The following CHRM3 variants were observed in gnomAD, a reference collection of about 807,000 sequenced individuals.
The protein encoded by CHRM3 is cholinergic receptor muscarinic 3.
A neutral mutation model predicts 41.8 loss-of-function variants in CHRM3; 11 were observed. The ratio of observed to expected loss-of-function variants is 0.26; its 90% CI spans 0.17 to 0.44. The LOEUF (loss-of-function observed/expected upper bound fraction) is 0.44. CHRM3 is among the 20% of genes least tolerant of loss of function. The pLI, the probability that CHRM3 is intolerant of heterozygous loss-of-function variation, is 1.00. For synonymous variants in CHRM3, 297 were observed against 301.4 expected (o/e 0.99, Z 0.15); for missense variants, 571 against 745.4 (o/e 0.77, Z 2.72).
intron 6 of CHRM3, among the ~76,000 whole-genome samples, chr1:239,905,722 A>G (rs1327931352): frequency 1.3e-5 from 2 of 152,154 alleles, no homozygotes; most frequent in East Asian, 1.9e-4. Flanking sequence ...AATAAATAAG[A>G]TAATGCATAT....
At chr1:239,828,444 T>C (rs1672639648) in intron 6 of CHRM3, among the ~76,000 whole-genome samples, 1 of 152,040 alleles carries the variant, frequency 6.6e-6, no homozygotes, top group East Asian at 1.9e-4. Flanking sequence ...ATAACTGGCA[T>C]GAAGAAAAAT....
At chr1:239,781,284 T>TAGTTTCAG (rs1272820198) in intron 5 of CHRM3, among the ~76,000 whole-genome samples, 1 of 152,172 alleles carries the variant, frequency 6.6e-6, no homozygotes, top group Non-Finnish European at 1.5e-5. Flanking sequence ...ACAGCTTTTA[T>TAGTTTCAG]AGTTTCAGAG....
intron 5 of CHRM3, among the ~76,000 whole-genome samples, chr1:239,685,175 C>A (rs1174593090): frequency 6.6e-6 from 1 of 152,146 alleles, no homozygotes; most frequent in African/African-American, 2.4e-5. Flanking sequence ...TGTTTCTGTT[C>A]TCCCAGCCAC....
intron 6 of CHRM3, among the ~76,000 whole-genome samples, chr1:239,876,297 G>A (rs1047964029): frequency 3.1e-4 from 47 of 152,078 alleles, no homozygotes; most frequent in African/African-American, 1.1e-3. Flanking sequence ...TTAAATTATT[G>A]GTATGCATTT....
intron 6 of CHRM3, among the ~76,000 whole-genome samples, chr1:239,874,306 T>TATACACAGTATATAG (rs1676911081): frequency 2.4e-5 from 3 of 124,498 alleles, no homozygotes; most frequent in Non-Finnish European, 4.9e-5. Context: ...TATATATATA[T>TATACACAGTATATAG]ATATATATAT....
chr1:239,529,527 A>G (rs1158380601), intron 2 of CHRM3, among the ~76,000 whole-genome samples: 1 of 149,660 alleles, frequency 6.7e-6, no homozygotes, highest in African/African-American at 2.5e-5. Flanking sequence ...CAAGAGAATC[A>G]CTTGAACCCA....
chr1:239,901,186 G>A (rs1208297454), intron 6 of CHRM3, among the ~76,000 whole-genome samples: 2 of 152,126 alleles, frequency 1.3e-5, no homozygotes, highest in Non-Finnish European at 2.9e-5. Flanking sequence ...TATCAGATGC[G>A]ACCTCTTTTT....
At chr1:239,739,133 G>A (rs1028248622) in intron 5 of CHRM3, among the ~76,000 whole-genome samples, 2 of 152,148 alleles carry the variant, frequency 1.3e-5, no homozygotes, top group African/African-American at 4.8e-5. Context: ...GTAGCAAATA[G>A]GTGCCCAGTT....
chr1:239,535,103 A>G lies in CHRM3; in HGVS notation c.-421-10538A>G, dbSNP rs114464400. On this transcript the variant is annotated intron_variant, in intron 2 of 6. Transcript: ENST00000676153. ...TGCTCCTACAGCTTTCTTCCACCAA[A>G]TAAGTGTACTTTGATCAGAACCTCA... Among the ~76,000 whole-genome samples, 312 of 152,276 alleles carry G rather than the reference A, an allele frequency of 2.0e-3. 1 individual carries two copies. The highest frequency in any genetic ancestry group is 3.8e-3 in the Non-Finnish European group (257 of 68,028).
chr1:239,795,820 TA>T (rs1331105978), intron 5 of CHRM3, among the ~76,000 whole-genome samples: 1 of 152,226 alleles, frequency 6.6e-6, no homozygotes, highest in East Asian at 1.9e-4. Flanking sequence ...TGTTTTGAAA[TA>T]AAATTGAAAT....
At chr1:239,551,068 T>TAC (rs1659761744) in intron 3 of CHRM3, among the ~76,000 whole-genome samples, 1 of 150,990 alleles carries the variant, frequency 6.6e-6, no homozygotes, top group Non-Finnish European at 1.5e-5. Flanking sequence ...TTTATATATA[T>TAC]ACTTCATATG....
intron 5 of CHRM3, among the ~76,000 whole-genome samples, chr1:239,701,388 C>T (rs902976344): frequency 3.9e-5 from 6 of 152,164 alleles, no homozygotes; most frequent in African/African-American, 7.2e-5. Flanking sequence ...AAAACCTTTC[C>T]GTTTCCCACT....
chr1:239,756,597 T>C (rs1034789802), intron 5 of CHRM3, among the ~76,000 whole-genome samples: 1 of 152,152 alleles, frequency 6.6e-6, no homozygotes, highest in African/African-American at 2.4e-5. Context: ...AATATAGTCA[T>C]TGCTGAAATA....
chr1:239,528,455 G>A (rs1276547242), intron 2 of CHRM3, among the ~76,000 whole-genome samples: 1 of 152,176 alleles, frequency 6.6e-6, no homozygotes, highest in Non-Finnish European at 1.5e-5. Flanking sequence ...CAATAAATAA[G>A]GTGCTCTTCT....
intron 1 of CHRM3, among the ~76,000 whole-genome samples, chr1:239,446,729 A>G (rs1664179993): frequency 6.6e-6 from 1 of 152,222 alleles, no homozygotes; most frequent in African/African-American, 2.4e-5. Context: ...TACTGAAATA[A>G]TATTAAGTAT....
At chr1:239,580,704 T>TATATATATATATATATATACATACATAC (rs570878631) in intron 3 of CHRM3, among the ~76,000 whole-genome samples, 5 of 131,072 alleles carry the variant, frequency 3.8e-5, no homozygotes, top group Admixed American at 8.2e-5. Context: ...TATATATATA[T>TATATATATATATATATATACATACATAC]ACACACACAC....
At chr1:239,562,583 T>G (rs117005899) in intron 3 of CHRM3, among the ~76,000 whole-genome samples, 6,393 of 151,986 alleles carry the variant, frequency 0.042, 182 homozygotes, top group East Asian at 0.13. Flanking sequence ...TGATGATTAT[T>G]ATTATTATTA....
At chr1:239,720,318 A>G (rs1662836703) in intron 5 of CHRM3, 1 of 151,962 alleles carries the variant, frequency 6.6e-6, no homozygotes, top group Non-Finnish European at 1.5e-5. Context: ...TTCTTTGCAT[A>G]TATTGTTCAC....
chr1:239,586,690 G>A (rs879076917), intron 3 of CHRM3, among the ~76,000 whole-genome samples: 4 of 151,958 alleles, frequency 2.6e-5, no homozygotes, highest in Admixed American at 2.6e-4. Flanking sequence ...TGTTTGTGGG[G>A]AAATTATAAT....
Sources: allele counts gnomAD v4.1 joint callset (sites outside exome capture counted in the v4.1 genomes callset), GRCh38; gene constraint gnomAD v4.1.1; transcripts MANE v1.5; gene names NCBI Gene and HGNC (gene_info 2026-07-23, HGNC 2026-07-21).